CDH8: variants seen among roughly 807,000 people sequenced by gnomAD.
CDH8 encodes the protein cadherin 8, also known as cadherin-8.
CDH8 carries 17 observed loss-of-function variants against 68.1 expected under a neutral mutation model. The ratio of observed to expected loss-of-function variants is 0.25; its 90% CI spans 0.17 to 0.37. The LOEUF is 0.37. CDH8 is among the 10% of genes least tolerant of loss of function. The pLI, the probability that CDH8 is intolerant of heterozygous loss-of-function variation, is 1.00. For synonymous variants in CDH8, 372 were observed against 365.1 expected, an observed-to-expected ratio of 1.02 and a Z score of -0.21; for missense variants, 763 against 999.3, an observed-to-expected ratio of 0.76 and a Z score of 3.19.
chr16:61,953,429 C>T (rs1013259335), intron 2 of CDH8, among the ~76,000 whole-genome samples: 6 of 152,020 alleles, frequency 3.9e-5, no homozygotes, highest in Non-Finnish European at 5.9e-5. Context: ...TTTAAAATAA[C>T]TTGTCATATT....
chr16:61,920,922 C>A (rs1964353871), intron 2 of CDH8, among the ~76,000 whole-genome samples: 1 of 143,002 alleles, frequency 7.0e-6, no homozygotes, highest in Admixed American at 7.1e-5. Flanking sequence ...TACTATGCAG[C>A]CATAAAAAAT....
At chr16:61,948,482 T>A (rs966897134) in intron 2 of CDH8, among the ~76,000 whole-genome samples, 1 of 152,162 alleles carries the variant, frequency 6.6e-6, no homozygotes, top group African/African-American at 2.4e-5. Flanking sequence ...CCAAAGGTTA[T>A]CTAAATTCAT....
rs953506252 is a variant in CDH8, at chr16:61,652,361, G to T, written c.*1247C>A. The T allele has an allele frequency of 3.0e-6, 3 of 984,342 alleles. No homozygotes were observed. The highest frequency in any genetic ancestry group is 4.7e-5 in the South Asian group (1 of 21,278). 61.0% of individuals were successfully genotyped at this position (984,342 alleles called of 1,614,324 possible). A position where few individuals can be genotyped will look rare whatever the true frequency, so the allele number is the denominator to read the frequency against. ...TAAATTGAAGCATGTTTATTGGGCA[G>T]GGCATGATGTAGGTATCTAAAAGTC... On this transcript the variant is annotated 3_prime_UTR_variant, in exon 12 of 12. Transcript: ENST00000577390.
At chr16:61,654,445 G>A (rs902794416) in intron 11 of CDH8, among the ~76,000 whole-genome samples, 1 of 152,084 alleles carries the variant, frequency 6.6e-6, no homozygotes, top group African/African-American at 2.4e-5. Flanking sequence ...AGCTTGATAT[G>A]TGTTTCAAGC....
intron 2 of CDH8, among the ~76,000 whole-genome samples, chr16:61,931,768 C>T (rs775179097): frequency 2.6e-5 from 4 of 152,120 alleles, no homozygotes; most frequent in East Asian, 3.9e-4. Flanking sequence ...AGTTATAAGA[C>T]GTACCCTTAA....
At chr16:61,726,329 G>C (rs1959364617) in intron 9 of CDH8, 1 of 150,680 alleles carries the variant, frequency 6.6e-6, no homozygotes, top group Non-Finnish European at 1.5e-5. Flanking sequence ...CTTTACACAG[G>C]CTATTTCCAT....
At chr16:61,864,259 T>C (rs1235151133) in intron 3 of CDH8, among the ~76,000 whole-genome samples, 1 of 151,322 alleles carries the variant, frequency 6.6e-6, no homozygotes. Flanking sequence ...AGGTTTTATG[T>C]GTGTTGGTTG....
At chr16:61,703,423 T>C (rs1268337955) in intron 10 of CDH8, among the ~76,000 whole-genome samples, 1 of 152,222 alleles carries the variant, frequency 6.6e-6, no homozygotes, top group Non-Finnish European at 1.5e-5. Context: ...ACTTTCTTTG[T>C]ACAACTTTAG....
intron 4 of CDH8, among the ~76,000 whole-genome samples, chr16:61,828,929 T>C (rs1432463930): frequency 6.6e-6 from 1 of 151,838 alleles, no homozygotes; most frequent in African/African-American, 2.4e-5. Context: ...AAACACACTG[T>C]TCCCCTTCCC....
chr16:61,853,990 A>G (rs1203859732), intron 4 of CDH8, among the ~76,000 whole-genome samples: 1 of 152,044 alleles, frequency 6.6e-6, no homozygotes, highest in Non-Finnish European at 1.5e-5. Context: ...ATGTATAAAT[A>G]TATATGTATA....
chr16:61,822,808 G>C (rs2143000948), intron 5 of CDH8, among the ~76,000 whole-genome samples: 1 of 151,896 alleles, frequency 6.6e-6, no homozygotes, highest in East Asian at 2.0e-4. Flanking sequence ...AGACAGCAAG[G>C]GGCCGCGCCG....
At chr16:61,853,195 G>A (rs965436806) in intron 4 of CDH8, among the ~76,000 whole-genome samples, 2 of 152,040 alleles carry the variant, frequency 1.3e-5, no homozygotes, top group Non-Finnish European at 2.9e-5. Context: ...AATAGAAGAA[G>A]CTCTCTCTGA....
chr16:61,875,383 T>C (rs1376396096), intron 3 of CDH8, among the ~76,000 whole-genome samples: 1 of 152,054 alleles, frequency 6.6e-6, no homozygotes, highest in African/African-American at 2.4e-5. Context: ...ATCACCTGAA[T>C]TACAAACTCT....
Position 61,960,294 on chromosome 16 carries a change from CGT to C in CDH8, c.253-58823_253-58822del, listed in dbSNP as rs202175529. Among the ~76,000 whole-genome samples the C allele has an allele frequency of 1.2e-3, 106 of 90,360 alleles. 31 individuals carry two copies. The highest frequency in any genetic ancestry group is 3.6e-3 in the East Asian group (11 of 3,088). 59.3% of individuals were successfully genotyped at this position (90,360 alleles called of 152,430 possible). ...GTGTGTGTGTATACACACATATATA[CGT>C]GTGTGTGTATACACACATATATACG... On this transcript the variant is annotated intron_variant, in intron 2 of 11. Coordinates refer to ENST00000577390, the MANE Select transcript of CDH8 (RefSeq NM_001796.5).
chr16:61,746,184 A>G (rs570064367), intron 8 of CDH8, among the ~76,000 whole-genome samples: 6 of 152,190 alleles, frequency 3.9e-5, no homozygotes, highest in Non-Finnish European at 7.4e-5. Context: ...TCAAGGGTGA[A>G]AAAACACCCA....
At chr16:62,012,171 T>C (rs113103076) in intron 2 of CDH8, among the ~76,000 whole-genome samples, 67 of 152,354 alleles carry the variant, frequency 4.4e-4, no homozygotes, top group African/African-American at 1.4e-3. Context: ...TTATGTTTCT[T>C]AAATAACATC....
chr16:61,845,212 A>G (rs1962777506), intron 4 of CDH8, among the ~76,000 whole-genome samples: 1 of 152,168 alleles, frequency 6.6e-6, no homozygotes, highest in African/African-American at 2.4e-5. Context: ...TGAAAGCAAG[A>G]AAATAAAATC....
chr16:61,986,398 G>A (rs1965629493), intron 2 of CDH8, among the ~76,000 whole-genome samples: 1 of 151,984 alleles, frequency 6.6e-6, no homozygotes, highest in Non-Finnish European at 1.5e-5. Context: ...AATTCCCTGG[G>A]GAACTTCTAG....
chr16:61,857,719 A>T (rs949298108), intron 3 of CDH8, among the ~76,000 whole-genome samples: 2 of 152,188 alleles, frequency 1.3e-5, no homozygotes, highest in Non-Finnish European at 2.9e-5. Flanking sequence ...ATAAAATTAG[A>T]TCTGAGTCAC....
Sources: allele counts gnomAD v4.1 joint callset (sites outside exome capture counted in the v4.1 genomes callset), GRCh38; gene constraint gnomAD v4.1.1; transcripts MANE v1.5; gene names NCBI Gene and HGNC (gene_info 2026-07-23, HGNC 2026-07-21).